QSOX1: variants seen among roughly 807,000 people sequenced by gnomAD.
QSOX1 encodes the protein quiescin sulfhydryl oxidase 1.
Under a neutral mutation model 76.1 loss-of-function variants are expected in QSOX1, and 40 were observed. The observed-to-expected ratio is 0.53, with a 90% confidence interval of 0.41 to 0.68. The LOEUF is 0.68. Among genes scored for constraint, QSOX1 ranks in the 30% least tolerant of loss-of-function variants. The pLI is 0.00. For synonymous variants in QSOX1, 392 were observed against 413.1 expected, an observed-to-expected ratio of 0.95 and a Z score of 0.62; for missense variants, 931 against 974.3, an observed-to-expected ratio of 0.96 and a Z score of 0.59.
At chr1:180,157,580 T>C (rs1662402155) in intron 1 of QSOX1, among the ~76,000 whole-genome samples, 1 of 152,204 alleles carries the variant, frequency 6.6e-6, no homozygotes, top group African/African-American at 2.4e-5. Flanking sequence ...TTTGGCTGGC[T>C]TCAGGCATTT....
chr1:180,180,861 AG>A (rs1663014654), intron 5 of QSOX1, among the ~76,000 whole-genome samples: 1 of 152,208 alleles, frequency 6.6e-6, no homozygotes, highest in African/African-American at 2.4e-5. Flanking sequence ...ACTATGTGCT[AG>A]TCACTGTTAT....
rs200691053 is a variant in QSOX1, at chr1:180,194,434, G to A, written c.1468+42G>A. ...CCCAAGGCTGGAGTCACTTGTGGGGGACGAGGGGGTGAGGATACTTGGGAG... is the reference window on the plus strand; with the variant it reads ...CCCAAGGCTGGAGTCACTTGTGGGGAACGAGGGGGTGAGGATACTTGGGAG... On this transcript the variant is annotated intron_variant, in intron 11 of 11. Coordinates refer to ENST00000367602, the MANE Select transcript of QSOX1 (RefSeq NM_002826.5). The A allele has an allele frequency of 1.9e-3, 2,890 of 1,497,316 alleles. 5 individuals are homozygous for A. The highest frequency in any genetic ancestry group is 5.5e-3 in the South Asian group (413 of 74,568). 92.8% of individuals were successfully genotyped at this position (1,497,316 alleles called of 1,614,324 possible). A position where few individuals can be genotyped will look rare whatever the true frequency, so the allele number is the denominator to read the frequency against.
chr1:180,169,474 T>C (rs1168446549), intron 2 of QSOX1, among the ~76,000 whole-genome samples: 4 of 152,196 alleles, frequency 2.6e-5, no homozygotes, highest in East Asian at 3.8e-4. Flanking sequence ...AAGTCACTTA[T>C]CAGTGCCCCA....
Position 180,198,689 on chromosome 1 carries a change from T to G in QSOX1, c.*1652T>G, listed in dbSNP as rs1209971232. ...CTGGGCTCCTGGGTTGGACTCCCTC[T>G]CTGTGCCCCTGCTCCAGGCACCCAT... On this transcript the variant is annotated 3_prime_UTR_variant, in exon 12 of 12. Coordinates refer to ENST00000367602, the MANE Select transcript of QSOX1 (RefSeq NM_002826.5). The G allele has an allele frequency of 3.1e-6, 1 of 325,626 alleles. No individual in the cohort carries two copies. Among genetic ancestry groups the G allele is most frequent in the Non-Finnish European group, 6.1e-6 (1 of 163,106 alleles). The allele number at this position is 325,626 out of a possible 1,614,324, so 20.2% of individuals were successfully genotyped here. A position where few individuals can be genotyped will look rare whatever the true frequency, so the allele number is the denominator to read the frequency against.
In QSOX1 at chr1:180,197,385, G is replaced by A. The variant is rs1282287071; in HGVS notation, c.*348G>A. The A allele has an allele frequency of 6.2e-7, 1 of 1,613,604 alleles. No homozygotes were observed. The highest frequency in any genetic ancestry group is 8.5e-7 in the Non-Finnish European group (1 of 1,179,906). On this transcript the variant is annotated 3_prime_UTR_variant, in exon 12 of 12. Transcript: ENST00000367602. ...CTGGAGCCTCAGTCTCTCCTGCTTG[G>A]TCTTGGCCCTCAACTGGGGCAAGTG...
Position 180,178,885 on chromosome 1 carries a change from G to A in QSOX1, c.606+1G>A, listed in dbSNP as rs1662963107. ...GGGAGGCTCCTACCTGGGTAGAGAG[G>A]TGAGCTGCCCTGAAGTTCCCTGCAA... On this transcript the variant is annotated splice_donor_variant, in intron 5 of 11. Coordinates refer to ENST00000367602, the MANE Select transcript of QSOX1 (RefSeq NM_002826.5). LOFTEE classifies it high-confidence loss of function. The A allele has an allele frequency of 6.2e-7, 1 of 1,612,170 alleles. No individual in the cohort carries two copies. Among genetic ancestry groups the A allele is most frequent in the African/African-American group, 1.3e-5 (1 of 74,928 alleles).
At chr1:180,175,668 A>T (rs1174297714) in intron 3 of QSOX1, among the ~76,000 whole-genome samples, 1 of 152,110 alleles carries the variant, frequency 6.6e-6, no homozygotes, top group Non-Finnish European at 1.5e-5. Context: ...AGCAGACCAG[A>T]GCCCTTGGGG....
chr1:180,187,550 C>T (rs1416314780), intron 8 of QSOX1, among the ~76,000 whole-genome samples: 1 of 152,262 alleles, frequency 6.6e-6, no homozygotes, highest in Admixed American at 6.5e-5. Flanking sequence ...GTGTCACTCG[C>T]ATCTCTCAGC....
Position 180,198,542 on chromosome 1 carries a change from C to G in QSOX1, c.*1505C>G, listed in dbSNP as rs1019129373. ...TGACATCTTCACTCTGCTCAGATGG[C>G]CTGGGTGCTATGTGGAGCAGGTGGG... On this transcript the variant is annotated 3_prime_UTR_variant, in exon 12 of 12. Transcript: ENST00000367602. 1 of 388,152 alleles carries G rather than the reference C, an allele frequency of 2.6e-6. No individual in the cohort carries two copies. Among genetic ancestry groups the G allele is most frequent in the African/African-American group, 2.1e-5 (1 of 48,354 alleles). The allele number at this position is 388,152 out of a possible 1,614,324, so 24.0% of individuals were successfully genotyped here.
intron 2 of QSOX1, among the ~76,000 whole-genome samples, chr1:180,168,812 G>T (rs1298342049): frequency 6.6e-6 from 1 of 152,194 alleles, no homozygotes; most frequent in East Asian, 1.9e-4. Context: ...TGTGCCCTTG[G>T]CAGAGGCTGA....
At chr1:180,180,579 A>G (rs906904729) in intron 5 of QSOX1, among the ~76,000 whole-genome samples, 1 of 151,932 alleles carries the variant, frequency 6.6e-6, no homozygotes, top group African/African-American at 2.4e-5. Flanking sequence ...CAGTGGCACA[A>G]TCTTGGCTCA....
In QSOX1 at chr1:180,189,590, C is replaced by T. The variant is rs1197007925; in HGVS notation, c.1056C>T (p.His352=). Residue 352 remains histidine, a synonymous_variant, in exon 9 of 12, where the codon CAC becomes CAT. Transcript: ENST00000367602. Reference sequence around the variant, plus strand: ...GGCCCTTAGTCCAGAACTTCCTGCACTCCGTGAATGAATGGCTCAAGAGGC... The same window carrying T: ...GGCCCTTAGTCCAGAACTTCCTGCATTCCGTGAATGAATGGCTCAAGAGGC... The part of the protein sequence containing the change: ...PGRPLVQNFL[H]SVNEWLKRQK... 1 of 1,613,716 alleles carries T rather than the reference C, an allele frequency of 6.2e-7. No individual in the cohort carries two copies. Among genetic ancestry groups the T allele is most frequent in the Non-Finnish European group, 8.5e-7 (1 of 1,179,752 alleles).
chr1:180,163,988 C>T (rs1042042656), intron 1 of QSOX1, among the ~76,000 whole-genome samples: 6 of 152,110 alleles, frequency 3.9e-5, no homozygotes, highest in African/African-American at 9.7e-5. Flanking sequence ...CAGTAAAAAA[C>T]CAGATCACGG....
intron 7 of QSOX1, among the ~76,000 whole-genome samples, chr1:180,185,671 C>G (rs74393558): frequency 0.017 from 2,653 of 152,226 alleles, 30 homozygotes; most frequent in Non-Finnish European, 0.028. Context: ...CTGATTATGT[C>G]TAGTGGTCTT....
Position 180,178,863 on chromosome 1 carries a change from A to G in QSOX1, c.585A>G (p.Gly195=), listed in dbSNP as rs765344218. The G allele has an allele frequency of 6.2e-7, 1 of 1,613,840 alleles. No homozygotes were observed. The highest frequency in any genetic ancestry group is 2.2e-5 in the East Asian group (1 of 44,868). ...ACCTGGCTCTGATCTTTGAAAAGGG[A>G]GGCTCCTACCTGGGTAGAGAGGTGA... is the stretch of plus-strand genomic sequence containing the variant. ...EEYLALIFEK[G]GSYLGREVAL... is the part of the protein sequence containing the mutation. The change falls in exon 5 of 12, where the codon GGA becomes GGG. Residue 195 remains glycine (G), a synonymous_variant. Transcript: ENST00000367602.
chr1:180,190,593 C>T lies in QSOX1; in HGVS notation c.1288+13C>T. ...TCACAGGAAGCAGGTACGTCCAGGA[C>T]CCGTTCACCCCACTGTGCCTCCAAC... On this transcript the variant is annotated intron_variant, in intron 10 of 11. Transcript: ENST00000367602. The T allele has an allele frequency of 6.2e-7, 1 of 1,607,008 alleles. No individual in the cohort carries two copies. The highest frequency in any genetic ancestry group is 8.5e-7 in the Non-Finnish European group (1 of 1,174,856).
At chr1:180,171,992 A>G (rs563684931) in intron 2 of QSOX1, among the ~76,000 whole-genome samples, 1 of 152,320 alleles carries the variant, frequency 6.6e-6, no homozygotes, top group Admixed American at 6.5e-5. Context: ...GAAGGTCACC[A>G]AGGAGCTTCC....
rs1229352924 is a variant in QSOX1, at chr1:180,189,457, C to G, written c.1018-95C>G. On this transcript the variant is annotated intron_variant, in intron 8 of 11. Transcript: ENST00000367602. The stretch of plus-strand genomic sequence containing the variant: ...CCCCACTGCCCCCCGCCCCCCGCCC[C>G]CCGCCTTCTTCTGCATAGCTTCCTA... 11 of 761,780 alleles carry G rather than the reference C, an allele frequency of 1.4e-5. 1 individual carries two copies. Among genetic ancestry groups the G allele is most frequent in the Admixed American group, 3.5e-5 (1 of 28,334 alleles). The allele number at this position is 761,780 out of a possible 1,614,324, so 47.2% of individuals were successfully genotyped here. A position where few individuals can be genotyped will look rare whatever the true frequency, so the allele number is the denominator to read the frequency against.
At chr1:180,191,957 T>C (rs573896839) in intron 10 of QSOX1, among the ~76,000 whole-genome samples, 1 of 152,044 alleles carries the variant, frequency 6.6e-6, no homozygotes, top group Non-Finnish European at 1.5e-5. Flanking sequence ...GTCTTCTCCT[T>C]GTGTCTCCGT....
Sources: allele counts gnomAD v4.1 joint callset (sites outside exome capture counted in the v4.1 genomes callset), GRCh38; gene constraint gnomAD v4.1.1; transcripts MANE v1.5; gene names NCBI Gene and HGNC (gene_info 2026-07-23, HGNC 2026-07-21).